Variants in FNDC3B observed in about 807,000 individuals in gnomAD.
FNDC3B encodes fibronectin type III domain containing 3B, also known as fibronectin type III domain-containing protein 3B.
A neutral mutation model predicts 151.5 loss-of-function variants in FNDC3B; 12 were observed. That is an observed-to-expected ratio of 0.08 (90% CI 0.05 to 0.13). The LOEUF (loss-of-function observed/expected upper bound fraction) is 0.13, where lower values mean the gene tolerates loss of function less well. FNDC3B is among the 10% of genes least tolerant of loss of function. The pLI is 1.00. For missense variants in FNDC3B, 1,214 were observed against 1,505.3 expected (o/e 0.81, Z 3.20); for synonymous variants, 528 against 549.0 (o/e 0.96, Z 0.54).
chr3:172,368,192 C>A (rs1560102779), intron 23 of FNDC3B, among the ~76,000 whole-genome samples: 1 of 150,480 alleles, frequency 6.6e-6, no homozygotes, highest in Non-Finnish European at 1.5e-5. Flanking sequence ...ATCCCTTGAA[C>A]CTAGGAGTTT....
Position 172,399,048 on chromosome 3 carries a change from T to C in FNDC3B, c.*1573T>C, listed in dbSNP as rs1298646275. On this transcript the variant is annotated 3_prime_UTR_variant, in exon 26 of 26. Coordinates refer to ENST00000415807, the MANE Select transcript of FNDC3B (RefSeq NM_022763.4). ...ACTTGGTTTTTCTTGATCATAGCTA[T>C]TTTGTGCTTGATCTTTATTGTCTAA... 3 of 152,662 alleles carry C rather than the reference T, an allele frequency of 2.0e-5. No homozygotes were observed. The allele number at this position is 152,662 out of a possible 1,614,324, so 9.5% of individuals were successfully genotyped here.
At chr3:172,158,110 G>A (rs868412600) in intron 3 of FNDC3B, among the ~76,000 whole-genome samples, 1 of 152,186 alleles carries the variant, frequency 6.6e-6, no homozygotes, top group South Asian at 2.1e-4. Context: ...GGATTTCCCA[G>A]TCTCCAGAAC....
chr3:172,264,408 A>T (rs1393775774), intron 6 of FNDC3B, among the ~76,000 whole-genome samples: 31 of 152,194 alleles, frequency 2.0e-4, no homozygotes, highest in Admixed American at 2.0e-3. Context: ...TATAGTTAAG[A>T]TTTCAGAACT....
chr3:172,389,755 A>G lies in FNDC3B; in HGVS notation c.3304-7409A>G, dbSNP rs7613879. 2.9e-3 allele frequency among the ~76,000 whole-genome samples: 444 copies of G among 152,090 alleles called. 4 individuals carry two copies. The highest frequency in any genetic ancestry group is 9.9e-3 in the African/African-American group (411 of 41,516). ...GTGGCGGGCGCCTGTTGTCCCAGCT[A>G]CTCGGGAGGCTGAGGCAGGAGAATG... is the stretch of plus-strand genomic sequence containing the variant. On this transcript the variant is annotated intron_variant, in intron 25 of 25. Transcript: ENST00000415807.
intron 8 of FNDC3B, among the ~76,000 whole-genome samples, chr3:172,297,999 G>A (rs1462458635): frequency 1.3e-5 from 2 of 152,150 alleles, no homozygotes; most frequent in African/African-American, 4.8e-5. Flanking sequence ...TCCCGCGCAG[G>A]AGCTAGTCTA....
intron 6 of FNDC3B, among the ~76,000 whole-genome samples, chr3:172,281,242 T>C (rs1729705990): frequency 2.1e-5 from 3 of 142,352 alleles, no homozygotes; most frequent in African/African-American, 7.8e-5. Flanking sequence ...TATTTATTTA[T>C]TTATTTATTT....
chr3:172,197,991 T>A (rs565748050), intron 3 of FNDC3B, among the ~76,000 whole-genome samples: 25 of 152,356 alleles, frequency 1.6e-4, no homozygotes, highest in South Asian at 2.1e-4. Context: ...GATTGTTGAT[T>A]TATTCATTAT....
At chr3:172,133,175 T>A (rs1425032127) in intron 2 of FNDC3B, among the ~76,000 whole-genome samples, 1 of 152,220 alleles carries the variant, frequency 6.6e-6, no homozygotes, top group East Asian at 1.9e-4. Flanking sequence ...AATTGTAGTT[T>A]CTAAATTTGT....
intron 1 of FNDC3B, among the ~76,000 whole-genome samples, chr3:172,070,068 C>G (rs921126132): frequency 6.6e-6 from 1 of 152,180 alleles, no homozygotes; most frequent in East Asian, 1.9e-4. Flanking sequence ...AATTCCAGGT[C>G]CCCTGCTCCC....
At chr3:172,324,972 C>T (rs1291206227) in intron 11 of FNDC3B, among the ~76,000 whole-genome samples, 1 of 152,216 alleles carries the variant, frequency 6.6e-6, no homozygotes, top group Non-Finnish European at 1.5e-5. Context: ...CTTCCCTCAG[C>T]CCTGCGGACC....
At chr3:172,195,865 A>C (rs933239162) in intron 3 of FNDC3B, among the ~76,000 whole-genome samples, 4 of 152,216 alleles carry the variant, frequency 2.6e-5, no homozygotes, top group Non-Finnish European at 4.4e-5. Context: ...TTTTGACCTT[A>C]AATCAGTTAC....
rs1366314848 is a variant in FNDC3B at position 172,040,975 on chromosome 3, C to G, written c.-29+1204C>G. On this transcript the variant is annotated intron_variant, in intron 1 of 25. Coordinates refer to ENST00000415807, the MANE Select transcript of FNDC3B (RefSeq NM_022763.4). The surrounding 1 kb of genome is among the most constrained non-coding windows in gnomAD (Gnocchi z 6.6). ...GAATCTCAGCTCCCACCCTGCCATC[C>G]CAGACGAAGGGAAGCAATGGCATTT... 6.6e-6 allele frequency among the ~76,000 whole-genome samples: 1 copy of G among 152,198 alleles called. No individual in the cohort carries two copies. Among genetic ancestry groups the G allele is most frequent in the Non-Finnish European group, 1.5e-5 (1 of 68,022 alleles).
chr3:172,087,461 A>T (rs1718603811), intron 1 of FNDC3B, among the ~76,000 whole-genome samples: 1 of 152,172 alleles, frequency 6.6e-6, no homozygotes, highest in South Asian at 2.1e-4. Flanking sequence ...TGGGCGTTAA[A>T]AGAGCTTATA....
At chr3:172,317,033 C>G (rs1576904705) in intron 11 of FNDC3B, 1 of 378,656 alleles carries the variant, frequency 2.6e-6, no homozygotes, top group East Asian at 7.9e-5. Context: ...GTCTTTTTAT[C>G]AGGAACCCAC....
intron 3 of FNDC3B, among the ~76,000 whole-genome samples, chr3:172,216,785 A>G (rs1010233345): frequency 6.6e-6 from 1 of 152,262 alleles, no homozygotes; most frequent in Non-Finnish European, 1.5e-5. Context: ...CTTGAAGAGC[A>G]GAGTCCTGAG....
At chr3:172,280,073 C>T (rs558771952) in intron 6 of FNDC3B, among the ~76,000 whole-genome samples, 11 of 152,256 alleles carry the variant, frequency 7.2e-5, no homozygotes, top group South Asian at 6.2e-4. Context: ...TGCCACCAAG[C>T]CCAGCTAATT....
At chr3:172,079,555 G>A (rs1006547135) in intron 1 of FNDC3B, among the ~76,000 whole-genome samples, 9 of 152,250 alleles carry the variant, frequency 5.9e-5, no homozygotes, top group African/African-American at 2.2e-4. Flanking sequence ...AATGATTCTT[G>A]TGCTGGCTGT....
intron 3 of FNDC3B, among the ~76,000 whole-genome samples, chr3:172,169,306 G>C (rs1207547194): frequency 6.6e-6 from 1 of 152,242 alleles, no homozygotes; most frequent in Non-Finnish European, 1.5e-5. Context: ...CGGCGCTCCG[G>C]AATGTGCTGC....
intron 3 of FNDC3B, among the ~76,000 whole-genome samples, chr3:172,156,602 G>A (rs564076130): frequency 6.6e-6 from 1 of 152,194 alleles, no homozygotes; most frequent in African/African-American, 2.4e-5. Context: ...GATCTTCAAC[G>A]TTTCTTTGTA....
Sources: allele counts gnomAD v4.1 joint callset (sites outside exome capture counted in the v4.1 genomes callset), GRCh38; gene constraint gnomAD v4.1.1; non-coding constraint Gnocchi (gnomAD v3.1); transcripts MANE v1.5; gene names NCBI Gene and HGNC (gene_info 2026-07-23, HGNC 2026-07-21).